The following DNASE1L3 variants were observed in gnomAD, a reference collection of about 807,000 sequenced individuals.
DNASE1L3 encodes the protein deoxyribonuclease 1L3.
A neutral mutation model predicts 30.9 loss-of-function variants in DNASE1L3; 27 were observed. That is an observed-to-expected ratio of 0.87 (90% confidence interval 0.64 to 1.20). DNASE1L3 has a LOEUF of 1.20. DNASE1L3 is among the 50% of genes most tolerant of loss of function. The probability of loss-of-function intolerance (pLI) is 0.00; values close to 1 mark genes in which losing one functional copy is unlikely to be tolerated. For missense variants in DNASE1L3, 364 were observed against 378.2 expected (o/e 0.96, Z 0.31); for synonymous variants, 135 against 138.0 (o/e 0.98, Z 0.15).
At chr3:58,202,712 G>GGGT (rs1390593059) in intron 4 of DNASE1L3, among the ~76,000 whole-genome samples, 1 of 151,902 alleles carries the variant, frequency 6.6e-6, no homozygotes, top group East Asian at 2.0e-4. Context: ...AATTAGCTGG[G>GGGT]GGTGGTGGCG....
Position 58,197,925 on chromosome 3 carries a change from C to T in DNASE1L3, c.600G>A (p.Lys200=). 6.2e-7 allele frequency: 1 copy of T among 1,614,050 alleles called. No individual in the cohort carries two copies. Among genetic ancestry groups the T allele is most frequent in the Non-Finnish European group, 8.5e-7 (1 of 1,179,992 alleles). The part of the protein sequence containing the change: ...FNAGCSYVPK[K]AWKNIRLRTD... Reference sequence around the variant, plus strand: ...TCCTCAAGCGGATGTTCTTCCAGGCCTTCTTGGGGACGTAGCTGCAGCCGG... The same window carrying T: ...TCCTCAAGCGGATGTTCTTCCAGGCTTTCTTGGGGACGTAGCTGCAGCCGG... The change falls in exon 6 of 8, where the codon AAG becomes AAA. Residue 200 remains lysine, a synonymous_variant. Coordinates refer to ENST00000394549, the MANE Select transcript of DNASE1L3 (RefSeq NM_004944.4). This position sits in a 1 kb window ranked among gnomAD's most constrained non-coding sequence, Gnocchi z 5.3.
Position 58,192,923 on chromosome 3 carries a change from C to G in DNASE1L3, c.802-120G>C. On this transcript the variant is annotated intron_variant, in intron 7 of 7. Transcript: ENST00000394549. The surrounding 1 kb of genome is among the most constrained non-coding windows in gnomAD (Gnocchi z 4.8). ...AGAGGAAATGCCCGAAGTCACCCCA[C>G]AGAACACTTACTGGTAAGCGTCATT... is the stretch of plus-strand genomic sequence containing the variant. 6.7e-7 allele frequency: 1 copy of G among 1,492,180 alleles called. No homozygotes were observed. The highest frequency in any genetic ancestry group is 1.8e-4 in the Middle Eastern group (1 of 5,436). 92.4% of individuals were successfully genotyped at this position (1,492,180 alleles called of 1,614,324 possible).
intron 6 of DNASE1L3, among the ~76,000 whole-genome samples, chr3:58,196,606 T>TGGTGG (rs367956087): frequency 3.9e-3 from 577 of 146,726 alleles, no homozygotes; most frequent in Non-Finnish European, 6.1e-3. Context: ...ACGAGTGGCC[T>TGGTGG]GGTGGCTCTC....
intron 5 of DNASE1L3, among the ~76,000 whole-genome samples, chr3:58,199,862 A>G (rs552881882): frequency 6.6e-6 from 1 of 152,322 alleles, no homozygotes; most frequent in East Asian, 1.9e-4. Flanking sequence ...TTAATAAGCA[A>G]TGAAATACAC....
rs761368740 is a variant in DNASE1L3 at position 58,193,337 on chromosome 3, C to T, written c.801+6G>A. ...ATGGCATAGAAAGACAAGATGGCAA[C>T]CTTACCTCCTCTTCAGTCAGCTTGT... On this transcript the variant is annotated splice_donor_region_variant and intron_variant, in intron 7 of 7. Coordinates refer to ENST00000394549, the MANE Select transcript of DNASE1L3 (RefSeq NM_004944.4). The T allele has an allele frequency of 4.3e-6, 7 of 1,613,828 alleles. No individual in the cohort carries two copies. Among genetic ancestry groups the T allele is most frequent in the Middle Eastern group, 1.6e-4 (1 of 6,084 alleles).
chr3:58,207,487 A>G (rs1366632315), intron 2 of DNASE1L3, among the ~76,000 whole-genome samples: 2 of 129,182 alleles, frequency 1.5e-5, no homozygotes, highest in East Asian at 2.9e-4. Context: ...TAGTTTGGAG[A>G]GCATCCTTCC....
Position 58,210,870 on chromosome 3 carries a change from G to A in DNASE1L3, c.37C>T (p.Leu13Phe), listed in dbSNP as rs1486475121. ...RELAPLLLLL[L>F]SIHSALAMRI... is the part of the protein sequence containing the mutation. ...ATGGCCAGGGCGCTGTGGATGGAGA[G>A]GAGGAGAAGCAGCAGTGGGGCCAGC... Residue 13 changes from leucine (L) to phenylalanine (F), a missense_variant, in exon 1 of 8, where the codon CTC becomes TTC. Coordinates refer to ENST00000394549, the MANE Select transcript of DNASE1L3 (RefSeq NM_004944.4). 1.9e-6 allele frequency: 3 copies of A among 1,614,088 alleles called. No homozygotes were observed. The highest frequency in any genetic ancestry group is 1.7e-5 in the Admixed American group (1 of 60,022).
At chr3:58,198,518 TTTG>T (rs961074441) in intron 5 of DNASE1L3, among the ~76,000 whole-genome samples, 2 of 152,220 alleles carry the variant, frequency 1.3e-5, no homozygotes, top group African/African-American at 4.8e-5. Flanking sequence ...AAAATTTCTT[TTTG>T]TTGTTTAAAA....
chr3:58,210,504 T>C (rs1004018959), intron 1 of DNASE1L3, among the ~76,000 whole-genome samples: 1 of 152,234 alleles, frequency 6.6e-6, no homozygotes, highest in Non-Finnish European at 1.5e-5. Context: ...CTGGAACGTA[T>C]AATGAGCCAG....
At chr3:58,208,373 A>T in intron 1 of DNASE1L3, 67 bp from the exon 2 acceptor site, 1 of 1,503,166 alleles carries the variant, frequency 6.7e-7, no homozygotes, top group Non-Finnish European at 9.3e-7. Context: ...CTTTTATTGG[A>T]CACTTACTGT....
chr3:58,192,788 C>A lies in DNASE1L3; in HGVS notation c.817G>T (p.Asp273Tyr), dbSNP rs762324739. The change falls in exon 8 of 8, where the codon GAC becomes TAC. Residue 273 changes from aspartate to tyrosine, a missense_variant. By Grantham distance (160) the Asp-to-Tyr change is radical (BLOSUM62 -3). Coordinates refer to ENST00000394549, the MANE Select transcript of DNASE1L3 (RefSeq NM_004944.4). The surrounding 1 kb of genome is among the most constrained non-coding windows in gnomAD (Gnocchi z 4.8). The part of the protein sequence containing the change: ...LTEEEALDVS[D>Y]HFPVEFKLQS... ...AGTTTAAATTCAACTGGAAAGTGGT[C>A]GCTGACATCCAGGGCCTATAAGGAG... 1.9e-6 allele frequency: 3 copies of A among 1,613,582 alleles called. No homozygotes were observed. The highest frequency in any genetic ancestry group is 2.2e-5 in the South Asian group (2 of 90,946).
intron 4 of DNASE1L3, 63 bp downstream of exon 4, chr3:58,204,706 G>A: frequency 1.4e-6 from 2 of 1,422,170 alleles, no homozygotes; most frequent in Non-Finnish European, 9.9e-7. Flanking sequence ...TCATGCTCAA[G>A]GCTGCTGCGC....
chr3:58,205,569 C>T lies in DNASE1L3; in HGVS notation c.231-9G>A. 1.2e-6 allele frequency: 2 copies of T among 1,609,758 alleles called. No homozygotes were observed. Among genetic ancestry groups the T allele is most frequent in the African/African-American group, 2.7e-5 (2 of 74,982 alleles). ...TGCCTCTCCTTGAATTTCTAGAAAACAAAGATTTAACACTGCATCTTGAAG... is the reference window on the plus strand; with the variant it reads ...TGCCTCTCCTTGAATTTCTAGAAAATAAAGATTTAACACTGCATCTTGAAG... On this transcript the variant is annotated splice_polypyrimidine_tract_variant and intron_variant, in intron 2 of 7. Coordinates refer to ENST00000394549, the MANE Select transcript of DNASE1L3 (RefSeq NM_004944.4).
Position 58,197,909 on chromosome 3 carries a change from G to C in DNASE1L3, c.616C>G (p.Arg206Gly), listed in dbSNP as rs35677470. 1 of 1,614,090 alleles carries C rather than the reference G, an allele frequency of 6.2e-7. No individual in the cohort carries two copies. The highest frequency in any genetic ancestry group is 1.1e-5 in the South Asian group (1 of 91,054). ...YVPKKAWKNIRLRTDPRFVWL... is the reference protein window; with the variant it reads ...YVPKKAWKNIGLRTDPRFVWL... Reference sequence around the variant, plus strand: ...ACAAACCTGGGGTCAGTCCTCAAGCGGATGTTCTTCCAGGCCTTCTTGGGG... The same window carrying C: ...ACAAACCTGGGGTCAGTCCTCAAGCCGATGTTCTTCCAGGCCTTCTTGGGG... The change falls in exon 6 of 8, where the codon CGC becomes GGC. Residue 206 changes from arginine (R) to glycine (G), a missense_variant. By Grantham distance (125) the Arg-to-Gly change is moderately radical. Coordinates refer to ENST00000394549, the MANE Select transcript of DNASE1L3 (RefSeq NM_004944.4). This position sits in a 1 kb window ranked among gnomAD's most constrained non-coding sequence, Gnocchi z 5.3.
In DNASE1L3 at chr3:58,192,913, A is replaced by G; in HGVS notation, c.802-110T>C. The G allele has an allele frequency of 6.6e-7, 1 of 1,514,218 alleles. No homozygotes were observed. 93.8% of individuals were successfully genotyped at this position (1,514,218 alleles called of 1,614,324 possible). A position where few individuals can be genotyped will look rare whatever the true frequency, so the allele number is the denominator to read the frequency against. On this transcript the variant is annotated intron_variant, in intron 7 of 7. Transcript: ENST00000394549. The surrounding 1 kb of genome is among the most constrained non-coding windows in gnomAD (Gnocchi z 4.8). ...CAGGGAGGGGAGAGGAAATGCCCGA[A>G]GTCACCCCACAGAACACTTACTGGT...
chr3:58,197,372 T>G lies in DNASE1L3; in HGVS notation c.704+449A>C, dbSNP rs2097398038. Among the ~76,000 whole-genome samples, 1 of 152,202 alleles carries G rather than the reference T, an allele frequency of 6.6e-6. No individual in the cohort carries two copies. Among genetic ancestry groups the G allele is most frequent in the African/African-American group, 2.4e-5 (1 of 41,458 alleles). ...CCACCGCATAGGGTCCTGTGGTTCA[T>G]ACGCTACATGTGGTACCCAGTAGAG... is the stretch of plus-strand genomic sequence containing the variant. On this transcript the variant is annotated intron_variant, in intron 6 of 7. Transcript: ENST00000394549. The surrounding 1 kb of genome is among the most constrained non-coding windows in gnomAD (Gnocchi z 5.3).
chr3:58,205,597 T>C (rs775456424), intron 2 of DNASE1L3, 37 bp from the exon 3 acceptor site: 36 of 1,536,376 alleles, frequency 2.3e-5, no homozygotes, highest in Middle Eastern at 1.7e-4. Context: ...TCTTGAAGAG[T>C]AAACATTCCC....
chr3:58,200,960 T>C lies in DNASE1L3; in HGVS notation c.546+37A>G, dbSNP rs1014445963. 1.9e-6 allele frequency: 3 copies of C among 1,574,560 alleles called. No individual in the cohort carries two copies. The highest frequency in any genetic ancestry group is 1.8e-4 in the Middle Eastern group (1 of 5,630). ...CCACTCAGGGACCAGAGCCTGCCCC[T>C]GCTAGATGGGAATTCGTCTGACACA... On this transcript the variant is annotated intron_variant, in intron 5 of 7. Transcript: ENST00000394549. The surrounding 1 kb of genome is among the most constrained non-coding windows in gnomAD (Gnocchi z 4.2).
rs9844062 is a variant in DNASE1L3, at chr3:58,199,588, C to T, written c.546+1409G>A. Reference sequence around the variant, plus strand: ...GGGAGGCAGGAGAATCACTTGAACCCGGGAGGTGGAGGTTGCAGTGAGCCG... The same window carrying T: ...GGGAGGCAGGAGAATCACTTGAACCTGGGAGGTGGAGGTTGCAGTGAGCCG... On this transcript the variant is annotated intron_variant, in intron 5 of 7. Coordinates refer to ENST00000394549, the MANE Select transcript of DNASE1L3 (RefSeq NM_004944.4). Among the ~76,000 whole-genome samples the T allele has an allele frequency of 6.9e-3, 1,047 of 151,812 alleles. 8 individuals carry two copies. Among genetic ancestry groups the T allele is most frequent in the African/African-American group, 0.024 (981 of 41,346 alleles).
Sources: gnomAD v4.1 joint callset for allele counts (sites outside exome capture counted in the v4.1 genomes callset) on GRCh38, gnomAD v4.1.1 for gene constraint, Gnocchi (gnomAD v3.1) non-coding constraint, MANE v1.5 for transcripts, NCBI Gene and HGNC (gene_info 2026-07-23, HGNC 2026-07-21) for gene names.